The following ADAM12 variants were observed in gnomAD, a reference collection of about 807,000 sequenced individuals.
The protein encoded by ADAM12 is disintegrin and metalloproteinase domain-containing protein 12.
Under a neutral mutation model 106.4 loss-of-function variants are expected in ADAM12, and 70 were observed. The ratio of observed to expected loss-of-function variants is 0.66; its 90% CI spans 0.54 to 0.80. The LOEUF (loss-of-function observed/expected upper bound fraction) is 0.80, where lower values mean the gene tolerates loss of function less well. ADAM12 is among the 30% of genes least tolerant of loss of function. The probability of loss-of-function intolerance (pLI) is 0.00; values close to 1 mark genes in which losing one functional copy is unlikely to be tolerated. For synonymous variants in ADAM12, 420 were observed against 433.5 expected (o/e 0.97, Z 0.39); for missense variants, 1,010 against 1,171.9 (o/e 0.86, Z 2.02).
intron 1 of ADAM12, among the ~76,000 whole-genome samples, chr10:126,344,063 T>G (rs1855044715): frequency 6.6e-6 from 1 of 152,236 alleles, no homozygotes; most frequent in South Asian, 2.1e-4. Flanking sequence ...TTGTTGCCAT[T>G]GCTTTTGGCG....
At chr10:126,255,057 A>G (rs897272267) in intron 3 of ADAM12, among the ~76,000 whole-genome samples, 2 of 152,144 alleles carry the variant, frequency 1.3e-5, no homozygotes, top group African/African-American at 4.8e-5. Context: ...CTGCACCCGA[A>G]GTGGGGTCAG....
At position 126,132,532 on chromosome 10, in the gene ADAM12, C is replaced by T. The variant is rs947176980; in HGVS notation, c.416+3052G>A. On this transcript the variant is annotated intron_variant, in intron 5 of 22. Transcript: ENST00000448723. Reference sequence around the variant, plus strand: ...AGGAGTGCTGCATGAACACCCCCCCCCCCTCAACTAGTCCAGTCCCAGAAT... The same window carrying T: ...AGGAGTGCTGCATGAACACCCCCCCTCCCTCAACTAGTCCAGTCCCAGAAT... Among the ~76,000 whole-genome samples, 4 of 141,902 alleles carry T rather than the reference C, an allele frequency of 2.8e-5. No homozygotes were observed. In the South Asian group the frequency reaches 7.8e-4, roughly 28 times the overall value. 93.1% of individuals were successfully genotyped at this position (141,902 alleles called of 152,430 possible).
chr10:126,229,470 A>G (rs1440262845), intron 3 of ADAM12, among the ~76,000 whole-genome samples: 1 of 152,182 alleles, frequency 6.6e-6, no homozygotes, highest in East Asian at 1.9e-4. Context: ...GTAGAATAAA[A>G]AAGTTATATA....
At chr10:126,065,420 G>A (rs1217075349) in intron 13 of ADAM12, among the ~76,000 whole-genome samples, 2 of 152,182 alleles carry the variant, frequency 1.3e-5, no homozygotes, top group Middle Eastern at 3.2e-3. Flanking sequence ...TGGCATGTGT[G>A]GGCAAGTTAA....
chr10:126,112,584 G>A (rs1955891128), intron 6 of ADAM12, among the ~76,000 whole-genome samples: 1 of 152,024 alleles, frequency 6.6e-6, no homozygotes, highest in African/African-American at 2.4e-5. Context: ...AGTTCCCCAG[G>A]ATAAATAACC....
intron 3 of ADAM12, among the ~76,000 whole-genome samples, chr10:126,276,127 A>T (rs1959236278): frequency 6.6e-6 from 1 of 152,198 alleles, no homozygotes; most frequent in East Asian, 1.9e-4. Context: ...TCTCCTATTG[A>T]TGTACTTTTA....
At chr10:126,347,395 T>C (rs1416022189) in intron 1 of ADAM12, among the ~76,000 whole-genome samples, 1 of 152,236 alleles carries the variant, frequency 6.6e-6, no homozygotes, top group African/African-American at 2.4e-5. Context: ...AGATCAGCTG[T>C]TAGTCTGATG....
intron 5 of ADAM12, among the ~76,000 whole-genome samples, chr10:126,130,924 C>G (rs1956292543): frequency 6.6e-6 from 1 of 152,128 alleles, no homozygotes; most frequent in African/African-American, 2.4e-5. Context: ...TGTAGAGAAT[C>G]CTTTTCTCTT....
intron 6 of ADAM12, among the ~76,000 whole-genome samples, chr10:126,115,190 G>A (rs756332085): frequency 2.0e-5 from 3 of 152,154 alleles, no homozygotes; most frequent in African/African-American, 7.2e-5. Flanking sequence ...CCATACTAAC[G>A]GAGGGGAACA....
At chr10:126,209,313 TTC>T (rs1957856957) in intron 3 of ADAM12, among the ~76,000 whole-genome samples, 1 of 152,252 alleles carries the variant, frequency 6.6e-6, no homozygotes, top group Non-Finnish European at 1.5e-5. Flanking sequence ...CTCTATAAAA[TTC>T]TGTTAGATAT....
chr10:126,342,282 C>A (rs762675640), intron 1 of ADAM12, among the ~76,000 whole-genome samples: 34 of 152,208 alleles, frequency 2.2e-4, no homozygotes, highest in Non-Finnish European at 3.2e-4. Context: ...ATGATTTTTA[C>A]AACCTTTGAT....
intron 3 of ADAM12, among the ~76,000 whole-genome samples, chr10:126,259,720 G>A (rs1323975187): frequency 6.6e-6 from 1 of 152,192 alleles, no homozygotes; most frequent in Non-Finnish European, 1.5e-5. Context: ...AGGGAATAAA[G>A]TCACTCTCTG....
At chr10:126,205,212 C>A (rs1233819693) in intron 3 of ADAM12, among the ~76,000 whole-genome samples, 3 of 152,132 alleles carry the variant, frequency 2.0e-5, no homozygotes, top group Non-Finnish European at 2.9e-5. Flanking sequence ...TCAGGCCACA[C>A]CTGAAGCAAG....
chr10:126,154,336 C>G (rs1253528823), intron 4 of ADAM12, among the ~76,000 whole-genome samples: 1 of 152,194 alleles, frequency 6.6e-6, no homozygotes, highest in African/African-American at 2.4e-5. Flanking sequence ...CATGTGTTTT[C>G]TTTGGGCTGG....
chr10:126,027,857 A>G lies in ADAM12; in HGVS notation c.2530-8032T>C, dbSNP rs188569247. 7.2e-5 allele frequency among the ~76,000 whole-genome samples: 11 copies of G among 152,310 alleles called. No homozygotes were observed. The East Asian group carries it at 7.7e-4, about 11-fold the overall frequency. ...AGTATTGGAAGTTCTGGGAAGGGCA[A>G]TCAGGCAAGAGAAAGGAAGTGTATT... On this transcript the variant is annotated intron_variant, in intron 21 of 22. Coordinates refer to ENST00000448723, the MANE Select transcript of ADAM12 (RefSeq NM_001288973.2).
At chr10:126,028,160 C>CA (rs1469955732) in intron 21 of ADAM12, among the ~76,000 whole-genome samples, 1 of 152,128 alleles carries the variant, frequency 6.6e-6, no homozygotes, top group Non-Finnish European at 1.5e-5. Context: ...AGAACTACAC[C>CA]ACTGCTCAAA....
chr10:126,032,246 A>ATGTC (rs1953984256), intron 21 of ADAM12, among the ~76,000 whole-genome samples: 1 of 152,166 alleles, frequency 6.6e-6, no homozygotes, highest in South Asian at 2.1e-4. Context: ...AAAGTACAAA[A>ATGTC]TGTCAGTGGA....
At position 126,094,026 on chromosome 10, in the gene ADAM12, C is replaced by T. The variant is rs1330050371; in HGVS notation, c.1104G>A (p.Met368Ile). The T allele has an allele frequency of 6.2e-7, 1 of 1,614,074 alleles. No homozygotes were observed. Among genetic ancestry groups the T allele is most frequent in the Admixed American group, 1.7e-5 (1 of 60,002 alleles). The change falls in exon 11 of 23, where the codon ATG (methionine) becomes ATA (isoleucine). Residue 368 changes from methionine (M) to isoleucine (I), a missense_variant. Around this residue, in one of 3 missense-constraint regions of ADAM12, gnomAD observed 615 missense variants for 708.5 expected, o/e 0.87. Transcript: ENST00000448723. Reference sequence around the variant, plus strand: ...TGATGCAGCCTCCTTTCTCAACCGCCATTTGACAGCTACAGCCCCTGTCCA... The same window carrying T: ...TGATGCAGCCTCCTTTCTCAACCGCTATTTGACAGCTACAGCCCCTGTCCA... ...DTLDRGCSCQ[M>I]AVEKGGCIMN...
chr10:126,136,178 G>A (rs527336067), intron 4 of ADAM12, among the ~76,000 whole-genome samples: 15 of 152,248 alleles, frequency 9.9e-5, no homozygotes, highest in East Asian at 3.9e-4. Context: ...AGTCTATCTC[G>A]GCAGGAAAGA....
Sources: gnomAD v4.1 joint callset for allele counts (sites outside exome capture counted in the v4.1 genomes callset) on GRCh38, gnomAD v4.1.1 for gene constraint, gnomAD v4.1.1 regional missense constraint, MANE v1.5 for transcripts, NCBI Gene and HGNC (gene_info 2026-07-23, HGNC 2026-07-21) for gene names.